Variants in PDIA5 observed in about 807,000 individuals in gnomAD.
PDIA5 encodes protein disulfide isomerase family A member 5, also known as protein disulfide-isomerase A5.
PDIA5 carries 58 observed loss-of-function variants against 77.6 expected under a neutral mutation model. The observed-to-expected ratio is 0.75, with a 90% CI of 0.61 to 0.93. The LOEUF is 0.93. Among genes scored for constraint, PDIA5 ranks in the 40% least tolerant of loss-of-function variants. The pLI is 0.00. For synonymous variants in PDIA5, 250 were observed against 252.1 expected, an observed-to-expected ratio of 0.99 and a Z score of 0.08; for missense variants, 630 against 647.7, an observed-to-expected ratio of 0.97 and a Z score of 0.30.
At chr3:123,101,480 C>T (rs918688873) in intron 3 of PDIA5, among the ~76,000 whole-genome samples, 1 of 152,162 alleles carries the variant, frequency 6.6e-6, no homozygotes, top group Non-Finnish European at 1.5e-5. Flanking sequence ...AGTGTAATAT[C>T]CCAGATGCCA....
chr3:123,122,970 G>A (rs1388967379), intron 8 of PDIA5, among the ~76,000 whole-genome samples: 1 of 152,146 alleles, frequency 6.6e-6, no homozygotes, highest in Non-Finnish European at 1.5e-5. Flanking sequence ...TGTGTTCTCT[G>A]GTAAGAACAG....
At chr3:123,115,238 C>T (rs902274759) in intron 7 of PDIA5, among the ~76,000 whole-genome samples, 8 of 152,212 alleles carry the variant, frequency 5.3e-5, no homozygotes, top group Non-Finnish European at 1.2e-4. Context: ...TAGCCTGGCA[C>T]TTCAGAATCC....
chr3:123,124,807 A>G (rs953581074), intron 10 of PDIA5, among the ~76,000 whole-genome samples: 2 of 152,202 alleles, frequency 1.3e-5, no homozygotes, highest in African/African-American at 4.8e-5. Flanking sequence ...CTCTCTGAAA[A>G]TAGAATTGTC....
chr3:123,113,825 C>T (rs765521407), intron 7 of PDIA5, among the ~76,000 whole-genome samples: 1 of 152,130 alleles, frequency 6.6e-6, no homozygotes, highest in Non-Finnish European at 1.5e-5. Flanking sequence ...GGATCTACCG[C>T]TTATTCAGGA....
chr3:123,158,584 C>T (rs1936074770), intron 15 of PDIA5, among the ~76,000 whole-genome samples: 1 of 152,182 alleles, frequency 6.6e-6, no homozygotes, highest in African/African-American at 2.4e-5. Context: ...CAGAGCTGTT[C>T]CACTCAAAGG....
At chr3:123,067,348 G>A (rs950177308) in intron 1 of PDIA5, 142 bp downstream of exon 1, 6 of 718,120 alleles carry the variant, frequency 8.4e-6, no homozygotes, top group Non-Finnish European at 1.2e-5. Flanking sequence ...CCAGGCAGGC[G>A]GGCACTGGGT....
intron 3 of PDIA5, among the ~76,000 whole-genome samples, chr3:123,095,555 G>A (rs1934411793): frequency 6.6e-6 from 1 of 152,064 alleles, no homozygotes; most frequent in South Asian, 2.1e-4. Flanking sequence ...TTCAAGACCA[G>A]CCTAACCAAC....
At chr3:123,121,250 T>G (rs1255663721) in intron 8 of PDIA5, among the ~76,000 whole-genome samples, 3 of 152,300 alleles carry the variant, frequency 2.0e-5, no homozygotes, top group South Asian at 2.1e-4. Flanking sequence ...CTCCTCTGAG[T>G]GCAAGCTCAC....
At chr3:123,129,667 G>A (rs1257638207) in intron 10 of PDIA5, among the ~76,000 whole-genome samples, 1 of 152,184 alleles carries the variant, frequency 6.6e-6, no homozygotes, top group African/African-American at 2.4e-5. Flanking sequence ...ACCTTGTCCT[G>A]AACTTTGGGG....
At chr3:123,105,336 G>A (rs890933367) in intron 5 of PDIA5, among the ~76,000 whole-genome samples, 3 of 152,338 alleles carry the variant, frequency 2.0e-5, no homozygotes, top group East Asian at 3.9e-4. Context: ...GCAGGTGGGT[G>A]CCTACCAGCA....
chr3:123,132,436 A>C (rs889424918), intron 11 of PDIA5, among the ~76,000 whole-genome samples: 4 of 152,246 alleles, frequency 2.6e-5, no homozygotes, highest in African/African-American at 9.6e-5. Context: ...GCTCTAAAGG[A>C]ATAGTTTCCT....
At chr3:123,159,281 G>T (rs528579963) in intron 15 of PDIA5, among the ~76,000 whole-genome samples, 1 of 152,166 alleles carries the variant, frequency 6.6e-6, no homozygotes, top group Non-Finnish European at 1.5e-5. Flanking sequence ...CCCTGGGCAG[G>T]GCCCCATAGC....
chr3:123,111,511 G>A (rs1252945931), intron 7 of PDIA5, among the ~76,000 whole-genome samples: 1 of 152,240 alleles, frequency 6.6e-6, no homozygotes, highest in African/African-American at 2.4e-5. Context: ...CAGGATTTGG[G>A]CTCAGTCCCT....
At chr3:123,139,444 G>C (rs928226085) in intron 11 of PDIA5, among the ~76,000 whole-genome samples, 1 of 152,202 alleles carries the variant, frequency 6.6e-6, no homozygotes, top group African/African-American at 2.4e-5. Flanking sequence ...GAAGTTTATT[G>C]CTTAGCCTTA....
chr3:123,117,399 T>TATATATATATATATATA (rs60353329), intron 8 of PDIA5, among the ~76,000 whole-genome samples: 82 of 135,290 alleles, frequency 6.1e-4, no homozygotes, highest in South Asian at 1.2e-3. Flanking sequence ...TATATATATA[T>TATATATATATATATATA]TCTGTTTTAG....
chr3:123,067,341 G>A, intron 1 of PDIA5, 135 bp downstream of exon 1: 1 of 756,776 alleles, frequency 1.3e-6, no homozygotes, highest in Non-Finnish European at 1.8e-6. Flanking sequence ...GTGCATGCCA[G>A]GCAGGCGGGC....
At chr3:123,143,248 G>A (rs1222792162) in intron 11 of PDIA5, among the ~76,000 whole-genome samples, 1 of 152,000 alleles carries the variant, frequency 6.6e-6, no homozygotes, top group Non-Finnish European at 1.5e-5. Context: ...AGCTGGGCGT[G>A]GTGGCACATG....
At chr3:123,161,800 G>A (rs749496724) in intron 16 of PDIA5, 80 bp from the exon 17 acceptor site, 2 of 930,410 alleles carry the variant, frequency 2.1e-6, no homozygotes, top group African/African-American at 3.3e-5. Context: ...TGGAGGGGCT[G>A]GGGGTGTGGG....
intron 10 of PDIA5, among the ~76,000 whole-genome samples, chr3:123,125,379 G>T (rs1459867026): frequency 2.0e-5 from 3 of 152,152 alleles, no homozygotes; most frequent in Non-Finnish European, 2.9e-5. Context: ...TATGAATGAG[G>T]TCCCTGAGGC....
Sources: gnomAD v4.1 joint callset for allele counts (sites outside exome capture counted in the v4.1 genomes callset) on GRCh38, gnomAD v4.1.1 for gene constraint, MANE v1.5 for transcripts, NCBI Gene and HGNC (gene_info 2026-07-23, HGNC 2026-07-21) for gene names.